Variants in NSL1 observed in about 807,000 individuals in gnomAD.
The protein encoded by NSL1 is NSL1 component of MIS12 kinetochore complex, also known as kinetochore-associated protein NSL1 homolog.
NSL1 carries 11 observed loss-of-function variants against 25.4 expected under a neutral mutation model. The ratio of observed to expected loss-of-function variants is 0.43; its 90% CI spans 0.27 to 0.72. The LOEUF (loss-of-function observed/expected upper bound fraction) is 0.72, where lower values mean the gene tolerates loss of function less well. NSL1 is among the 30% of genes least tolerant of loss of function. NSL1 has a pLI of 0.19. For missense variants in NSL1, 330 were observed against 342.7 expected (o/e 0.96, Z 0.29); for synonymous variants, 118 against 120.6 (o/e 0.98, Z 0.14).
Position 212,738,638 on chromosome 1 carries a change from T to C in NSL1, c.616A>G (p.Arg206Gly), listed in dbSNP as rs1019111462. 3 of 1,614,134 alleles carry C rather than the reference T, an allele frequency of 1.9e-6. No homozygotes were observed. The African/African-American group carries it at 4.0e-5, about 22-fold the overall frequency. ...EQGEGFSQVL[R>G]MQPVIHLQRI... Reference sequence around the variant, plus strand: ...TGGAGGTGGATAACAGGCTGCATCCTGAGAACTTGGGAAAATCCCTCTCCT... The same window carrying C: ...TGGAGGTGGATAACAGGCTGCATCCCGAGAACTTGGGAAAATCCCTCTCCT... Residue 206 changes from arginine to glycine, a missense_variant, in exon 6 of 6, where the codon AGG (arginine) becomes GGG (glycine). Transcript: ENST00000366977.
In NSL1 at chr1:212,766,298, T is replaced by C. The variant is rs546796427; in HGVS notation, c.499+16074A>G. The C allele has an allele frequency of 4.0e-5, 24 of 600,636 alleles. No homozygotes were observed. In the South Asian group the frequency reaches 4.9e-4, roughly 12 times the overall value. 37.2% of individuals were successfully genotyped at this position (600,636 alleles called of 1,614,324 possible). On this transcript the variant is annotated intron_variant, in intron 4 of 5. Coordinates refer to ENST00000366977, the MANE Select transcript of NSL1 (RefSeq NM_015471.4). ...ACTGGAACAAGACAAAGATGCCCAC[T>C]TTCACCACTTCTATTCAACATAGTA...
At position 212,745,068 on chromosome 1, in the gene NSL1, C is replaced by T. The variant is rs376131141; in HGVS notation, c.500-5467G>A. 1.6e-3 allele frequency among the ~76,000 whole-genome samples: 235 copies of T among 150,798 alleles called. 6 individuals are homozygous for T. In the East Asian group the frequency reaches 0.038, roughly 24 times the overall value. ...GGAGAATTGCTTGAACCTGGGAGGC[C>T]GAGGTTGCAGTGAGCCAAGATTGTG... On this transcript the variant is annotated intron_variant, in intron 4 of 5. Coordinates refer to ENST00000366977, the MANE Select transcript of NSL1 (RefSeq NM_015471.4).
rs969230317 is a variant in NSL1, at chr1:212,781,929, T to C, written c.499+443A>G. ...ACTGAGTTCAAAGGCATAATGAGTA[T>C]ACTTATTTCTTCTTAAATTCAATAT... On this transcript the variant is annotated intron_variant, in intron 4 of 5. Transcript: ENST00000366977. 17 of 375,678 alleles carry C rather than the reference T, an allele frequency of 4.5e-5. No individual in the cohort carries two copies. The Admixed American group carries it at 4.7e-4, about 10-fold the overall frequency. 23.3% of individuals were successfully genotyped at this position (375,678 alleles called of 1,614,324 possible). A position where few individuals can be genotyped will look rare whatever the true frequency, so the allele number is the denominator to read the frequency against.
chr1:212,728,435 A>G lies in NSL1; in HGVS notation c.*9973T>C, dbSNP rs1657874168. 1.0e-6 allele frequency: 1 copy of G among 985,262 alleles called. No homozygotes were observed. The highest frequency in any genetic ancestry group is 6.2e-5 in the Admixed American group (1 of 16,260). 61.0% of individuals were successfully genotyped at this position (985,262 alleles called of 1,614,324 possible). A position where few individuals can be genotyped will look rare whatever the true frequency, so the allele number is the denominator to read the frequency against. On this transcript the variant is annotated 3_prime_UTR_variant, in exon 6 of 6. Coordinates refer to ENST00000366977, the MANE Select transcript of NSL1 (RefSeq NM_015471.4). Reference sequence around the variant, plus strand: ...ACTATTACAGTTGTGGCTTTACTCAATCTCTTCCTTTTCTTTGGGTAATCT... The same window carrying G: ...ACTATTACAGTTGTGGCTTTACTCAGTCTCTTCCTTTTCTTTGGGTAATCT...
At chr1:212,765,587 G>A (rs1365511161) in intron 4 of NSL1, among the ~76,000 whole-genome samples, 1 of 151,348 alleles carries the variant, frequency 6.6e-6, no homozygotes, top group African/African-American at 2.4e-5. Flanking sequence ...TTGGGAGGCT[G>A]AGACAGGCAG....
intron 4 of NSL1, among the ~76,000 whole-genome samples, chr1:212,769,542 A>G (rs951703475): frequency 1.3e-5 from 2 of 152,346 alleles, no homozygotes; most frequent in Non-Finnish European, 2.9e-5. Context: ...TGAAGGAGAA[A>G]TAAAGTCTTC....
At chr1:212,769,839 C>A (rs1235203187) in intron 4 of NSL1, among the ~76,000 whole-genome samples, 4 of 152,074 alleles carry the variant, frequency 2.6e-5, no homozygotes, top group Non-Finnish European at 4.4e-5. Flanking sequence ...CAGGAATAAG[C>A]CCTTACATAT....
Position 212,738,334 on chromosome 1 carries a change from T to C in NSL1, c.*74A>G. The stretch of plus-strand genomic sequence containing the variant: ...ATTTCTTATTTCAAATGAAGTCTTA[T>C]CTAGGTATTAATTAGGCTGTAATCT... On this transcript the variant is annotated 3_prime_UTR_variant, in exon 6 of 6. Coordinates refer to ENST00000366977, the MANE Select transcript of NSL1 (RefSeq NM_015471.4). 3.3e-6 allele frequency: 5 copies of C among 1,529,588 alleles called. No homozygotes were observed. The South Asian group carries it at 4.0e-5, about 12-fold the overall frequency. 94.8% of individuals were successfully genotyped at this position (1,529,588 alleles called of 1,614,324 possible).
At chr1:212,765,322 T>C (rs1242902221) in intron 4 of NSL1, among the ~76,000 whole-genome samples, 2 of 152,132 alleles carry the variant, frequency 1.3e-5, no homozygotes, top group Non-Finnish European at 2.9e-5. Flanking sequence ...TGAACATAGA[T>C]GCAAAAATCC....
At chr1:212,743,314 A>G (rs1442031645) in intron 4 of NSL1, among the ~76,000 whole-genome samples, 1 of 152,048 alleles carries the variant, frequency 6.6e-6, no homozygotes, top group Non-Finnish European at 1.5e-5. Flanking sequence ...ACAGGCATGC[A>G]CCACCATGCC....
chr1:212,764,737 T>C (rs1558052678), intron 4 of NSL1, among the ~76,000 whole-genome samples: 2 of 148,226 alleles, frequency 1.3e-5, no homozygotes, highest in Admixed American at 6.8e-5. Flanking sequence ...TCCCAGCCAC[T>C]TGGGAGGCTG....
intron 4 of NSL1, among the ~76,000 whole-genome samples, chr1:212,779,723 G>A (rs567747469): frequency 1.1e-5 from 1 of 93,324 alleles, no homozygotes; most frequent in Non-Finnish European, 2.4e-5. Flanking sequence ...GCCCCATCCG[G>A]GAGGGAGGTG....
intron 4 of NSL1, among the ~76,000 whole-genome samples, chr1:212,748,383 T>G (rs562343104): frequency 6.6e-6 from 1 of 152,212 alleles, no homozygotes; most frequent in South Asian, 2.1e-4. Flanking sequence ...TTTCTAGATA[T>G]ATATCTACGA....
At chr1:212,780,965 T>C (rs1660708559) in intron 4 of NSL1, among the ~76,000 whole-genome samples, 1 of 152,160 alleles carries the variant, frequency 6.6e-6, no homozygotes, top group Non-Finnish European at 1.5e-5. Context: ...GAATTCGTCA[T>C]TTTACTAATA....
intron 4 of NSL1, among the ~76,000 whole-genome samples, chr1:212,757,779 C>G (rs1659382742): frequency 6.6e-6 from 1 of 152,192 alleles, no homozygotes; most frequent in African/African-American, 2.4e-5. Context: ...TTGAAGGTCC[C>G]ATTTCAACCA....
At chr1:212,739,341 G>A (rs1283152104) in intron 5 of NSL1, among the ~76,000 whole-genome samples, 193 bp downstream of exon 5, 1 of 152,080 alleles carries the variant, frequency 6.6e-6, no homozygotes, top group Non-Finnish European at 1.5e-5. Context: ...TATATTACCT[G>A]GCACATAGTA....
intron 1 of NSL1, among the ~76,000 whole-genome samples, chr1:212,789,943 A>G (rs887571501): frequency 1.3e-5 from 2 of 152,196 alleles, no homozygotes; most frequent in Non-Finnish European, 2.9e-5. Flanking sequence ...CAAGGAGGGA[A>G]TGACGTAAGA....
At chr1:212,790,021 CT>C (rs971444196) in intron 1 of NSL1, among the ~76,000 whole-genome samples, 14 of 147,962 alleles carry the variant, frequency 9.5e-5, no homozygotes, top group East Asian at 2.0e-4. Flanking sequence ...TCCACTGAAC[CT>C]TTTTTTTTTG....
chr1:212,735,662 T>A lies in NSL1; in HGVS notation c.*2746A>T. On this transcript the variant is annotated 3_prime_UTR_variant, in exon 6 of 6. Transcript: ENST00000366977. Reference sequence around the variant, plus strand: ...GGGCCTCTAAGGAAATAATTAAGGTTAAATGAGGCCATAAGGGTGGGGCTC... The same window carrying A: ...GGGCCTCTAAGGAAATAATTAAGGTAAAATGAGGCCATAAGGGTGGGGCTC... 1 of 418,408 alleles carries A rather than the reference T, an allele frequency of 2.4e-6. No homozygotes were observed. Among genetic ancestry groups the A allele is most frequent in the Non-Finnish European group, 3.2e-6 (1 of 312,162 alleles). The allele number at this position is 418,408 out of a possible 1,614,324, so 25.9% of individuals were successfully genotyped here.
Sources: gnomAD v4.1 joint callset for allele counts (sites outside exome capture counted in the v4.1 genomes callset) on GRCh38, gnomAD v4.1.1 for gene constraint, MANE v1.5 for transcripts, NCBI Gene and HGNC (gene_info 2026-07-23, HGNC 2026-07-21) for gene names.